Variants in SLCO1B3 observed in about 807,000 individuals in gnomAD.
SLCO1B3 encodes solute carrier organic anion transporter family member 1B3.
Under a neutral mutation model 71.8 loss-of-function variants are expected in SLCO1B3, and 72 were observed. The observed-to-expected ratio is 1.00, with a 90% CI of 0.83 to 1.22. The LOEUF (loss-of-function observed/expected upper bound fraction) is 1.22. SLCO1B3 is among the 50% of genes most tolerant of loss of function. The pLI is 0.00. For synonymous variants in SLCO1B3, 298 were observed against 278.4 expected, an observed-to-expected ratio of 1.07 and a Z score of -0.70; for missense variants, 911 against 819.7, an observed-to-expected ratio of 1.11 and a Z score of -1.36.
chr12:20,854,906 G>A (rs1703711623), intron 3 of SLCO1B3, 122 bp from the exon 4 acceptor site: 5 of 865,638 alleles, frequency 5.8e-6, no homozygotes, highest in Non-Finnish European at 7.1e-6. Context: ...AGGGAAAAAT[G>A]GGTATTTTTT....
At chr12:20,834,533 A>G (rs10770748) in intron 3 of SLCO1B3, among the ~76,000 whole-genome samples, 67,644 of 148,156 alleles carry the variant, frequency 0.46, 17,489 homozygotes, top group South Asian at 0.64. Flanking sequence ...ATTTATATAT[A>G]ATATATATGT....
At chr12:20,811,315 G>C (rs1864106819) in intron 1 of SLCO1B3, among the ~76,000 whole-genome samples, 1 of 151,952 alleles carries the variant, frequency 6.6e-6, no homozygotes, top group East Asian at 1.9e-4. Context: ...TCAAATAAGA[G>C]AAAAAAATCT....
chr12:20,865,380 A>C (rs956921247), intron 8 of SLCO1B3, among the ~76,000 whole-genome samples: 7 of 152,134 alleles, frequency 4.6e-5, no homozygotes, highest in Non-Finnish European at 7.4e-5. Flanking sequence ...ATATTTTTTC[A>C]TGTCAATGAT....
At chr12:20,888,618 A>T (rs1865837545) in intron 13 of SLCO1B3, among the ~76,000 whole-genome samples, 1 of 151,990 alleles carries the variant, frequency 6.6e-6, no homozygotes, top group South Asian at 2.1e-4. Context: ...TAGGTGTAAG[A>T]TTATATCATA....
chr12:20,869,252 G>A (rs150711022), intron 8 of SLCO1B3, among the ~76,000 whole-genome samples: 6,558 of 152,240 alleles, frequency 0.043, 229 homozygotes, highest in East Asian at 0.18. Flanking sequence ...AGACACTGGC[G>A]TCACTGCTAG....
chr12:20,894,913 C>T (rs926827463), intron 13 of SLCO1B3, among the ~76,000 whole-genome samples: 3 of 152,152 alleles, frequency 2.0e-5, no homozygotes, highest in Non-Finnish European at 2.9e-5. Flanking sequence ...TACAGTTCCA[C>T]GTGGCTGGGT....
chr12:20,831,920 C>A (rs1864550046), intron 3 of SLCO1B3, among the ~76,000 whole-genome samples: 1 of 152,102 alleles, frequency 6.6e-6, no homozygotes, highest in Non-Finnish European at 1.5e-5. Context: ...TTCTTCCTTA[C>A]CACAGTTCCA....
chr12:20,815,647 T>C, intron 2 of SLCO1B3, 27 bp from the exon 3 acceptor site: 2 of 800,456 alleles, frequency 2.5e-6, no homozygotes, highest in Non-Finnish European at 4.1e-6. Flanking sequence ...TAAAGTAAAA[T>C]AAATTATACT....
chr12:20,813,998 C>T (rs1371111735), intron 2 of SLCO1B3, among the ~76,000 whole-genome samples: 1 of 152,048 alleles, frequency 6.6e-6, no homozygotes, highest in Non-Finnish European at 1.5e-5. Flanking sequence ...TATTTACATA[C>T]TTAGATATTT....
In SLCO1B3 at chr12:20,885,947, C is replaced by G. The variant is rs184075007; in HGVS notation, c.1682+2345C>G. 3.3e-5 allele frequency among the ~76,000 whole-genome samples: 5 copies of G among 152,048 alleles called. No homozygotes were observed. The East Asian group carries it at 9.6e-4, about 29-fold the overall frequency. On this transcript the variant is annotated intron_variant, in intron 13 of 15. Transcript: ENST00000381545. ...TGTTTTTGGAAGACAAGAATGAAATCAGGGAAAACAAAAGGCTATGATCAT... is the reference window on the plus strand; with the variant it reads ...TGTTTTTGGAAGACAAGAATGAAATGAGGGAAAACAAAAGGCTATGATCAT...
At chr12:20,913,341 A>G (rs1457375054) in intron 15 of SLCO1B3, among the ~76,000 whole-genome samples, 1 of 152,206 alleles carries the variant, frequency 6.6e-6, no homozygotes, top group Non-Finnish European at 1.5e-5. Flanking sequence ...TCATTATACA[A>G]TACATAAATT....
Position 20,895,565 on chromosome 12 carries a change from G to A in SLCO1B3, c.1683-2871G>A, listed in dbSNP as rs376221532. Among the ~76,000 whole-genome samples, 172 of 152,220 alleles carry A rather than the reference G, an allele frequency of 1.1e-3. 2 individuals are homozygous for A. The South Asian group carries it at 0.024, about 22-fold the overall frequency. Reference sequence around the variant, plus strand: ...ACACTGATGCAAGAGGTAGGTTCCCGTAGTCTTGGGCAGCTCTATCCCTGT... The same window carrying A: ...ACACTGATGCAAGAGGTAGGTTCCCATAGTCTTGGGCAGCTCTATCCCTGT... On this transcript the variant is annotated intron_variant, in intron 13 of 15. Coordinates refer to ENST00000381545, the MANE Select transcript of SLCO1B3 (RefSeq NM_019844.4).
chr12:20,913,038 A>T (rs2120462282), intron 15 of SLCO1B3, among the ~76,000 whole-genome samples: 1 of 152,222 alleles, frequency 6.6e-6, no homozygotes, highest in South Asian at 2.1e-4. Flanking sequence ...AATATTCTAT[A>T]TGAGCTTGGG....
chr12:20,837,081 TA>T (rs1382315592), intron 3 of SLCO1B3, among the ~76,000 whole-genome samples: 4 of 152,200 alleles, frequency 2.6e-5, no homozygotes, highest in Non-Finnish European at 5.9e-5. Flanking sequence ...TAATTTAGGT[TA>T]TTATAATTGC....
intron 3 of SLCO1B3, among the ~76,000 whole-genome samples, chr12:20,850,920 C>T (rs1218384574): frequency 6.6e-6 from 1 of 152,196 alleles, no homozygotes; most frequent in Non-Finnish European, 1.5e-5. Context: ...ACACTTCCAC[C>T]ATCAAGGTAT....
At chr12:20,860,515 C>T (rs1252335318) in intron 5 of SLCO1B3, among the ~76,000 whole-genome samples, 1 of 151,816 alleles carries the variant, frequency 6.6e-6, no homozygotes, top group African/African-American at 2.4e-5. Flanking sequence ...GATCCAGCTC[C>T]ATCTCCGTTG....
chr12:20,901,429 A>G lies in SLCO1B3; in HGVS notation c.1827A>G (p.Ala609=). Residue 609 remains alanine, a synonymous_variant, in exon 15 of 16, where the codon GCA becomes GCG. Transcript: ENST00000381545. The part of the protein sequence containing the change: ...CMKWSTNSCG[A]QGACRIYNSV... Reference sequence around the variant, plus strand: ...AGTGGTCCACCAACAGCTGTGGAGCACAAGGGGCTTGTAGGATATATAATT... The same window carrying G: ...AGTGGTCCACCAACAGCTGTGGAGCGCAAGGGGCTTGTAGGATATATAATT... 1 of 1,577,986 alleles carries G rather than the reference A, an allele frequency of 6.3e-7. No homozygotes were observed. The highest frequency in any genetic ancestry group is 1.7e-4 in the Middle Eastern group (1 of 5,736).
At chr12:20,849,880 A>G (rs1864990299) in intron 3 of SLCO1B3, among the ~76,000 whole-genome samples, 1 of 151,984 alleles carries the variant, frequency 6.6e-6, no homozygotes, top group South Asian at 2.1e-4. Flanking sequence ...CACACACTGT[A>G]AACTATAAAA....
intron 15 of SLCO1B3, 82 bp from the exon 16 acceptor site, chr12:20,915,922 A>G (rs1866484012): frequency 2.0e-6 from 2 of 1,009,040 alleles, no homozygotes; most frequent in Non-Finnish European, 2.9e-6. Flanking sequence ...TTCTTTTAAG[A>G]TATGCATACT....
Sources: gnomAD v4.1 joint callset for allele counts (sites outside exome capture counted in the v4.1 genomes callset) on GRCh38, gnomAD v4.1.1 for gene constraint, MANE v1.5 for transcripts, NCBI Gene and HGNC (gene_info 2026-07-23, HGNC 2026-07-21) for gene names.